TENM4: variants seen among roughly 807,000 people sequenced by gnomAD.
TENM4 encodes teneurin transmembrane protein 4, also known as teneurin-4.
TENM4 carries 82 observed loss-of-function variants against 243.3 expected under a neutral mutation model. The observed-to-expected ratio is 0.34, with a 90% CI of 0.28 to 0.40. The LOEUF (loss-of-function observed/expected upper bound fraction) is 0.40, where lower values mean the gene tolerates loss of function less well. Among genes scored for constraint, TENM4 ranks in the 10% least tolerant of loss-of-function variants. The pLI is 1.00. For synonymous variants in TENM4, 1,412 were observed against 1,456.3 expected (o/e 0.97, Z 0.69); for missense variants, 3,138 against 3,673.3 (o/e 0.85, Z 3.77).
chr11:79,197,169 C>G (rs756424048), intron 3 of TENM4, among the ~76,000 whole-genome samples: 4 of 152,172 alleles, frequency 2.6e-5, no homozygotes, highest in African/African-American at 9.7e-5. Flanking sequence ...TGACTCACCA[C>G]AGGTTACTGA....
intron 2 of TENM4, among the ~76,000 whole-genome samples, chr11:79,231,930 A>T (rs1315267112): frequency 1.3e-5 from 2 of 152,120 alleles, no homozygotes; most frequent in African/African-American, 4.8e-5. Flanking sequence ...AAATAGAAAA[A>T]TTAGCCAGGC....
At chr11:79,351,717 A>G (rs988796993) in intron 1 of TENM4, among the ~76,000 whole-genome samples, 1 of 151,692 alleles carries the variant, frequency 6.6e-6, no homozygotes, top group Non-Finnish European at 1.5e-5. Context: ...AATAAAAAAT[A>G]AAAATAAATA....
chr11:79,029,870 C>T (rs932318752), intron 6 of TENM4, among the ~76,000 whole-genome samples: 9 of 152,070 alleles, frequency 5.9e-5, no homozygotes, highest in South Asian at 4.2e-4. Context: ...GAGAAATCCC[C>T]GGGTCCTTTA....
intron 4 of TENM4, among the ~76,000 whole-genome samples, chr11:79,094,773 TG>T (rs1861040028): frequency 6.6e-6 from 1 of 152,044 alleles, no homozygotes; most frequent in Admixed American, 6.5e-5. Flanking sequence ...TCCAGACCAG[TG>T]GGGGAGGAGC....
Position 78,712,485 on chromosome 11 carries a change from T to C in TENM4, c.4051A>G (p.Arg1351Gly). 1 of 1,613,584 alleles carries C rather than the reference T, an allele frequency of 6.2e-7. No homozygotes were observed. Among genetic ancestry groups the C allele is most frequent in the Non-Finnish European group, 8.5e-7 (1 of 1,179,488 alleles). Residue 1351 changes from arginine to glycine, a missense_variant, in exon 26 of 34, where the codon AGG (arginine) becomes GGG (glycine). Physicochemically the swap from Arg to Gly is moderately radical, Grantham distance 125. Coordinates refer to ENST00000278550, the MANE Select transcript of TENM4 (RefSeq NM_001098816.3). ...TGTCTCTAAGGCAAGGCCTTACCCC[T>C]GGGATTGGTGAGTGTGGCTTCTGTG... ...KATEATLTNP[R>G]GITVDKFGLI...
rs529581194 is a variant in TENM4 at position 79,145,663 on chromosome 11, A to G, written c.-66+3047T>C. Reference sequence around the variant, plus strand: ...TCTCAGGGGTATATTCCAAGGAGTGAAAGTGCTGGTATGTATATGTTCAGC... The same window carrying G: ...TCTCAGGGGTATATTCCAAGGAGTGGAAGTGCTGGTATGTATATGTTCAGC... On this transcript the variant is annotated intron_variant, in intron 4 of 33. Coordinates refer to ENST00000278550, the MANE Select transcript of TENM4 (RefSeq NM_001098816.3). Among the ~76,000 whole-genome samples, 13 of 152,222 alleles carry G rather than the reference A, an allele frequency of 8.5e-5. No homozygotes were observed. The East Asian group carries it at 1.4e-3, about 16-fold the overall frequency.
intron 6 of TENM4, among the ~76,000 whole-genome samples, chr11:78,927,629 T>C (rs1856580657): frequency 2.0e-5 from 3 of 152,172 alleles, no homozygotes; most frequent in Admixed American, 2.0e-4. Flanking sequence ...TCAAAGCGCT[T>C]ATTCAACCCA....
intron 13 of TENM4, among the ~76,000 whole-genome samples, chr11:78,814,076 G>A (rs1366735226): frequency 6.6e-6 from 1 of 152,072 alleles, no homozygotes; most frequent in East Asian, 1.9e-4. Flanking sequence ...CTCCCTTCCT[G>A]ACCTCCCCGA....
intron 2 of TENM4, among the ~76,000 whole-genome samples, chr11:79,235,892 G>A (rs904463040): frequency 2.6e-5 from 4 of 151,850 alleles, no homozygotes; most frequent in Admixed American, 2.0e-4. Flanking sequence ...AGCTGAACTT[G>A]TTTTGCTTGT....
At chr11:78,830,637 C>T (rs1857959724) in intron 12 of TENM4, among the ~76,000 whole-genome samples, 2 of 152,196 alleles carry the variant, frequency 1.3e-5, no homozygotes, top group South Asian at 2.1e-4. Flanking sequence ...CATCTGATGG[C>T]TTTCCAGGCT....
chr11:78,799,523 T>G (rs1459120182), intron 15 of TENM4, among the ~76,000 whole-genome samples: 2 of 152,256 alleles, frequency 1.3e-5, no homozygotes, highest in Admixed American at 1.3e-4. Flanking sequence ...CTTCATTTAT[T>G]GACTGCTTAC....
chr11:79,145,225 T>C (rs1435721333), intron 4 of TENM4, among the ~76,000 whole-genome samples: 1 of 152,112 alleles, frequency 6.6e-6, no homozygotes, highest in Admixed American at 6.6e-5. Context: ...GTTATGCTCA[T>C]TTTATAAACT....
rs572186300 is a variant in TENM4, at chr11:79,372,722, A to G, written c.-321+67787T>C. Among the ~76,000 whole-genome samples the G allele has an allele frequency of 2.6e-5, 4 of 152,318 alleles. No homozygotes were observed. In the East Asian group the frequency reaches 7.7e-4, roughly 29 times the overall value. On this transcript the variant is annotated intron_variant, in intron 1 of 33. Transcript: ENST00000278550. ...AGGGGGGAATCTTGTTTGGAAGGAT[A>G]TATGAGCTCATGAAGATATGGGGCT... is the stretch of plus-strand genomic sequence containing the variant.
chr11:79,199,413 T>C (rs1392573248), intron 3 of TENM4, among the ~76,000 whole-genome samples: 1 of 152,242 alleles, frequency 6.6e-6, no homozygotes, highest in Non-Finnish European at 1.5e-5. Flanking sequence ...ATAATGTCCC[T>C]GACTCGGAAT....
At chr11:79,323,488 A>G (rs1215923600) in intron 1 of TENM4, among the ~76,000 whole-genome samples, 1 of 152,204 alleles carries the variant, frequency 6.6e-6, no homozygotes, top group East Asian at 1.9e-4. Context: ...GAGCTTCCTA[A>G]AAAAGGTGAT....
chr11:79,427,474 T>C (rs528206092), intron 1 of TENM4, among the ~76,000 whole-genome samples: 10 of 152,294 alleles, frequency 6.6e-5, no homozygotes, highest in Middle Eastern at 6.8e-3. Flanking sequence ...ACGATCGTGA[T>C]AGATTAAGGT....
intron 2 of TENM4, among the ~76,000 whole-genome samples, chr11:79,241,283 G>C (rs1864583949): frequency 6.6e-6 from 1 of 152,062 alleles, no homozygotes; most frequent in African/African-American, 2.4e-5. Flanking sequence ...GTGTGGGAGG[G>C]AGAAACCTAA....
At position 78,863,061 on chromosome 11, in the gene TENM4, T is replaced by C. The variant is rs1858863911; in HGVS notation, c.1156A>G (p.Thr386Ala). 6 of 1,537,996 alleles carry C rather than the reference T, an allele frequency of 3.9e-6. No individual in the cohort carries two copies. The highest frequency in any genetic ancestry group is 5.3e-6 in the Non-Finnish European group (6 of 1,136,828). Reference sequence around the variant, plus strand: ...GTTGGCACAGGCCAACTGCTGGCTGTGTCCTCCGTGATCTCATACATCTGC... The same window carrying C: ...GTTGGCACAGGCCAACTGCTGGCTGCGTCCTCCGTGATCTCATACATCTGC... Reference protein sequence around the residue: ...EGQMYEITEDTASSWPVPTDV... With the variant: ...EGQMYEITEDAASSWPVPTDV... Residue 386 changes from threonine (T) to alanine (A), a missense_variant, in exon 10 of 34, where the codon ACA becomes GCA. This residue lies in a region of TENM4 where 671 missense variants were observed against 614.1 expected (regional missense o/e 1.09). Coordinates refer to ENST00000278550, the MANE Select transcript of TENM4 (RefSeq NM_001098816.3).
chr11:78,866,605 G>A (rs901236755), intron 9 of TENM4, among the ~76,000 whole-genome samples: 2 of 151,706 alleles, frequency 1.3e-5, no homozygotes, highest in Admixed American at 1.3e-4. Context: ...GGGTGGGGGA[G>A]ACATGGGGGG....
Sources: allele counts gnomAD v4.1 joint callset (sites outside exome capture counted in the v4.1 genomes callset), GRCh38; gene constraint gnomAD v4.1.1; regional missense constraint gnomAD v4.1.1; transcripts MANE v1.5; gene names NCBI Gene and HGNC (gene_info 2026-07-23, HGNC 2026-07-21).